PTPRD: variants seen among roughly 807,000 people sequenced by gnomAD.
The protein encoded by PTPRD is receptor-type tyrosine-protein phosphatase delta.
Under a neutral mutation model 214.5 loss-of-function variants are expected in PTPRD, and 34 were observed. The ratio of observed to expected loss-of-function variants is 0.16; its 90% CI spans 0.12 to 0.21. The LOEUF (loss-of-function observed/expected upper bound fraction) is 0.21, where lower values mean the gene tolerates loss of function less well. Among genes scored for constraint, PTPRD ranks in the 10% least tolerant of loss-of-function variants. The probability of loss-of-function intolerance (pLI) is 1.00; values close to 1 mark genes in which losing one functional copy is unlikely to be tolerated. For synonymous variants in PTPRD, 1,128 were observed against 845.7 expected (o/e 1.33, Z -5.79); for missense variants, 2,545 against 2,398.7 (o/e 1.06, Z -1.27).
At chr9:9,467,440 A>G (rs565729355) in intron 8 of PTPRD, among the ~76,000 whole-genome samples, 1 of 151,276 alleles carries the variant, frequency 6.6e-6, no homozygotes, top group South Asian at 2.1e-4. Context: ...TTCAAAAAAT[A>G]GCAAGGCGGG....
intron 3 of PTPRD, among the ~76,000 whole-genome samples, chr9:10,279,639 CTATT>C (rs1295663300): frequency 6.6e-6 from 1 of 150,836 alleles, no homozygotes; most frequent in Non-Finnish European, 1.5e-5. Context: ...GTGTTCAAAA[CTATT>C]TATTAGGTAC....
chr9:10,534,187 T>C (rs2057181503), intron 2 of PTPRD, among the ~76,000 whole-genome samples: 3 of 151,928 alleles, frequency 2.0e-5, no homozygotes, highest in Admixed American at 6.6e-5. Flanking sequence ...AAGATGGCAA[T>C]ACTCTCTCCA....
Position 10,364,002 on chromosome 9 carries a change from T to G in PTPRD, c.-599-22985A>C, listed in dbSNP as rs199953791. ...CTCCACATTTTCGGGTTTTTTTTTT[T>G]TTTTTTTTTTTTTTTGAGATGGAGT... On this transcript the variant is annotated intron_variant, in intron 2 of 45. Transcript: ENST00000381196. Among the ~76,000 whole-genome samples the G allele has an allele frequency of 1.0e-3, 72 of 70,142 alleles. 7 individuals are homozygous for G. Among genetic ancestry groups the G allele is most frequent in the Non-Finnish European group, 1.4e-3 (33 of 23,408 alleles). 46.0% of individuals were successfully genotyped at this position (70,142 alleles called of 152,430 possible).
intron 12 of PTPRD, among the ~76,000 whole-genome samples, chr9:8,688,284 T>C (rs992947968): frequency 5.3e-5 from 8 of 152,134 alleles, no homozygotes; most frequent in African/African-American, 1.9e-4. Context: ...AGGAAAAATA[T>C]AGCCAGGCGT....
chr9:9,819,767 A>T (rs943108515), intron 5 of PTPRD, among the ~76,000 whole-genome samples: 4 of 152,050 alleles, frequency 2.6e-5, no homozygotes, highest in Admixed American at 1.3e-4. Flanking sequence ...ATGTTCCTGC[A>T]CCAATTTGCT....
intron 7 of PTPRD, among the ~76,000 whole-genome samples, chr9:9,641,314 G>A (rs1168023572): frequency 7.2e-5 from 11 of 152,276 alleles, no homozygotes; most frequent in African/African-American, 2.6e-4. Context: ...AGCATGTAAT[G>A]GTGTAATTAG....
At chr9:8,529,853 C>T (rs913221477) in intron 14 of PTPRD, among the ~76,000 whole-genome samples, 8 of 152,148 alleles carry the variant, frequency 5.3e-5, no homozygotes, top group African/African-American at 9.7e-5. Flanking sequence ...AGGTTTGTTA[C>T]ATATGTACAC....
At chr9:8,490,988 A>G (rs1463037838) in intron 27 of PTPRD, among the ~76,000 whole-genome samples, 1 of 152,198 alleles carries the variant, frequency 6.6e-6, no homozygotes, top group Non-Finnish European at 1.5e-5. Flanking sequence ...ATATACGAGG[A>G]TTTTTAATAC....
intron 3 of PTPRD, among the ~76,000 whole-genome samples, chr9:10,266,604 T>C (rs2094076754): frequency 6.6e-6 from 1 of 152,218 alleles, no homozygotes; most frequent in Admixed American, 6.5e-5. Context: ...CAAGTGTATT[T>C]GTGCGGCATG....
intron 5 of PTPRD, among the ~76,000 whole-genome samples, chr9:9,871,583 T>C (rs528154904): frequency 6.6e-6 from 1 of 151,520 alleles, no homozygotes; most frequent in African/African-American, 2.4e-5. Flanking sequence ...TAAGATTATC[T>C]TCTGGAAAGG....
chr9:9,223,099 G>C (rs540813035), intron 9 of PTPRD, among the ~76,000 whole-genome samples: 1 of 152,140 alleles, frequency 6.6e-6, no homozygotes, highest in African/African-American at 2.4e-5. Flanking sequence ...AGAAAACTGT[G>C]ATGTGATAAA....
chr9:10,058,893 A>G (rs1023552300), intron 3 of PTPRD, among the ~76,000 whole-genome samples: 29 of 152,150 alleles, frequency 1.9e-4, no homozygotes, highest in African/African-American at 6.8e-4. Flanking sequence ...AAATAAAATA[A>G]CCTTAACTGA....
At chr9:8,495,839 T>C (rs1563823373) in intron 26 of PTPRD, among the ~76,000 whole-genome samples, 1 of 152,202 alleles carries the variant, frequency 6.6e-6, no homozygotes, top group South Asian at 2.1e-4. Context: ...GCCATGTGCA[T>C]TGGCAGTAAA....
intron 10 of PTPRD, among the ~76,000 whole-genome samples, chr9:9,140,467 G>A (rs974037467): frequency 1.3e-5 from 2 of 152,178 alleles, no homozygotes; most frequent in Non-Finnish European, 2.9e-5. Context: ...GGGTCTCCAA[G>A]ATTCAAAAGC....
At chr9:9,533,780 G>T (rs2075980513) in intron 8 of PTPRD, among the ~76,000 whole-genome samples, 1 of 151,978 alleles carries the variant, frequency 6.6e-6, no homozygotes, top group Non-Finnish European at 1.5e-5. Context: ...TCTTAATAAT[G>T]ATGTATACGT....
At chr9:9,237,939 G>A (rs1045180538) in intron 9 of PTPRD, among the ~76,000 whole-genome samples, 2 of 152,072 alleles carry the variant, frequency 1.3e-5, no homozygotes, top group African/African-American at 2.4e-5. Context: ...ATTTACTTCT[G>A]TTCCTCCTTC....
chr9:8,543,806 G>A (rs1220161634), intron 14 of PTPRD, among the ~76,000 whole-genome samples: 1 of 152,048 alleles, frequency 6.6e-6, no homozygotes, highest in African/African-American at 2.4e-5. Context: ...TCTGCCTCCT[G>A]GGTTCAAGTG....
At chr9:10,530,127 G>C (rs2055751376) in intron 2 of PTPRD, among the ~76,000 whole-genome samples, 1 of 152,068 alleles carries the variant, frequency 6.6e-6, no homozygotes, top group Admixed American at 6.6e-5. Context: ...AGAATATTTA[G>C]AAAACTGTTT....
At chr9:9,004,839 G>A (rs62529159) in intron 11 of PTPRD, among the ~76,000 whole-genome samples, 1 of 151,928 alleles carries the variant, frequency 6.6e-6, no homozygotes, top group Non-Finnish European at 1.5e-5. Flanking sequence ...TTCAAAACAC[G>A]TGTGTATAGG....
Sources: gnomAD v4.1 joint callset for allele counts (sites outside exome capture counted in the v4.1 genomes callset) on GRCh38, gnomAD v4.1.1 for gene constraint, MANE v1.5 for transcripts, NCBI Gene and HGNC (gene_info 2026-07-23, HGNC 2026-07-21) for gene names.